BRSK2: variants seen among roughly 807,000 people sequenced by gnomAD.
BRSK2 encodes BR serine/threonine kinase 2.
BRSK2 carries 19 observed loss-of-function variants against 83.3 expected under a neutral mutation model. The observed-to-expected ratio is 0.23, with a 90% CI of 0.16 to 0.33. The LOEUF (loss-of-function observed/expected upper bound fraction) is 0.33. BRSK2 is among the 10% of genes least tolerant of loss of function. The probability of loss-of-function intolerance (pLI) is 1.00; values close to 1 mark genes in which losing one functional copy is unlikely to be tolerated. For missense variants in BRSK2, 798 were observed against 1,042.3 expected, an observed-to-expected ratio of 0.77 and a Z score of 3.23; for synonymous variants, 519 against 435.4, an observed-to-expected ratio of 1.19 and a Z score of -2.39.
At chr11:1,416,814 G>A (rs921011118) in intron 1 of BRSK2, among the ~76,000 whole-genome samples, 8 of 152,074 alleles carry the variant, frequency 5.3e-5, no homozygotes, top group African/African-American at 1.7e-4. Context: ...GTGGATCCAC[G>A]GGCTGATGTA....
intron 1 of BRSK2, among the ~76,000 whole-genome samples, chr11:1,398,921 G>A (rs756322477): frequency 1.6e-4 from 24 of 152,200 alleles, no homozygotes; most frequent in Non-Finnish European, 2.5e-4. Context: ...TGTCTGGGGC[G>A]GAGACTGGCC....
intron 8 of BRSK2, among the ~76,000 whole-genome samples, chr11:1,444,090 G>A (rs1404967138): frequency 6.6e-6 from 1 of 152,090 alleles, no homozygotes; most frequent in East Asian, 1.9e-4. Flanking sequence ...GGTGTGCACA[G>A]GTGTGGGGGG....
chr11:1,447,938 A>T, intron 12 of BRSK2: 2 of 1,413,522 alleles, frequency 1.4e-6, no homozygotes, highest in Non-Finnish European at 1.9e-6. Context: ...GGGCAGGCAC[A>T]TGGGCGGGTC....
chr11:1,446,236 T>C (rs1281410965), intron 12 of BRSK2, among the ~76,000 whole-genome samples: 1 of 109,020 alleles, frequency 9.2e-6, no homozygotes, highest in Non-Finnish European at 1.7e-5. Context: ...TGGGCTGTAC[T>C]GGACTGCGCG....
chr11:1,395,154 G>A (rs964673501), intron 1 of BRSK2, among the ~76,000 whole-genome samples: 2 of 152,178 alleles, frequency 1.3e-5, no homozygotes, highest in Non-Finnish European at 2.9e-5. Flanking sequence ...TCAGGCCCTG[G>A]CCATCTGACC....
intron 15 of BRSK2, among the ~76,000 whole-genome samples, chr11:1,453,207 G>A (rs1459059527): frequency 1.3e-5 from 2 of 152,258 alleles, no homozygotes; most frequent in African/African-American, 4.8e-5. Context: ...TGTCCGGCCA[G>A]GCTGTGCACT....
At chr11:1,449,125 C>T (rs59626403) in intron 12 of BRSK2, among the ~76,000 whole-genome samples, 5,077 of 152,286 alleles carry the variant, frequency 0.033, 209 homozygotes, top group African/African-American at 0.1. Flanking sequence ...ACGGGGGTGG[C>T]GGCCACACAC....
rs563745304 is a variant in BRSK2 at position 1,433,954 on chromosome 11, C to G, written c.92-2086C>G. On this transcript the variant is annotated intron_variant, in intron 1 of 19. Transcript: ENST00000528841. Reference sequence around the variant, plus strand: ...CCACCCGGCCTGGGCTCACCCAGATCCAGGCGTGACGCCACACAGATGAAA... The same window carrying G: ...CCACCCGGCCTGGGCTCACCCAGATGCAGGCGTGACGCCACACAGATGAAA... Among the ~76,000 whole-genome samples the G allele has an allele frequency of 2.5e-3, 384 of 152,344 alleles. 2 individuals carry two copies. The highest frequency in any genetic ancestry group is 8.6e-3 in the African/African-American group (358 of 41,578).
chr11:1,444,012 G>A (rs1340023163), intron 8 of BRSK2, among the ~76,000 whole-genome samples: 6 of 152,126 alleles, frequency 3.9e-5, no homozygotes, highest in South Asian at 2.1e-4. Context: ...GGGTGAGGGC[G>A]TAGGTGTGGG....
At position 1,450,914 on chromosome 11, in the gene BRSK2, G is replaced by C. The variant is rs971420078; in HGVS notation, c.1495+120G>C. On this transcript the variant is annotated intron_variant, in intron 14 of 19. Transcript: ENST00000528841. ...GGGCCTGTAGCTGCAGGGGTGGCCT[G>C]GGCCTGCCCACGTCTCACTGTCCCG... is the stretch of plus-strand genomic sequence containing the variant. The C allele has an allele frequency of 5.0e-6, 5 of 995,888 alleles. No individual in the cohort carries two copies. In the South Asian group the frequency reaches 5.2e-5, roughly 10 times the overall value. 61.7% of individuals were successfully genotyped at this position (995,888 alleles called of 1,614,324 possible).
chr11:1,452,327 C>T (rs1368226130), intron 15 of BRSK2, among the ~76,000 whole-genome samples: 1 of 152,236 alleles, frequency 6.6e-6, no homozygotes, highest in Non-Finnish European at 1.5e-5. Context: ...AGCTGGGTGC[C>T]CAGGTCGGAG....
At position 1,390,830 on chromosome 11, in the gene BRSK2, G is replaced by C. The variant is rs569078820; in HGVS notation, c.91+455G>C. Among the ~76,000 whole-genome samples the C allele has an allele frequency of 6.6e-6, 1 of 152,116 alleles. No individual in the cohort carries two copies. The highest frequency in any genetic ancestry group is 1.5e-5 in the Non-Finnish European group (1 of 67,984). On this transcript the variant is annotated intron_variant, in intron 1 of 19. Transcript: ENST00000528841. The surrounding 1 kb of genome is among the most constrained non-coding windows in gnomAD (Gnocchi z 6.8). The stretch of plus-strand genomic sequence containing the variant: ...GGCGGGACTCCCACCTCCGCGCGCC[G>C]GCCACCGGGGCCTCCGGGCAGGCCC...
intron 1 of BRSK2, among the ~76,000 whole-genome samples, chr11:1,399,991 C>A (rs1329106775): frequency 6.6e-6 from 1 of 152,218 alleles, no homozygotes; most frequent in Non-Finnish European, 1.5e-5. Flanking sequence ...CAGGAATAGT[C>A]CCAGCCACCA....
chr11:1,422,052 G>A (rs12791214), intron 1 of BRSK2, among the ~76,000 whole-genome samples: 39,730 of 151,900 alleles, frequency 0.26, 5,368 homozygotes, highest in South Asian at 0.4. Flanking sequence ...GGAGGGTGGC[G>A]CCCGTGCCTG....
chr11:1,411,132 G>A, intron 1 of BRSK2: 1 of 1,211,518 alleles, frequency 8.3e-7, no homozygotes, highest in African/African-American at 1.6e-5. Context: ...GGATCCTCAG[G>A]GGCCTAGGGT....
chr11:1,443,750 G>A, intron 8 of BRSK2, 115 bp downstream of exon 8: 3 of 1,324,012 alleles, frequency 2.3e-6, no homozygotes, highest in South Asian at 1.5e-5. Context: ...AGGTGTGTGG[G>A]TCGGTGCCCA....
rs566703220 is a variant in BRSK2, at chr11:1,409,151, C to T, written c.91+18776C>T. Among the ~76,000 whole-genome samples the T allele has an allele frequency of 2.0e-5, 3 of 152,308 alleles. No individual in the cohort carries two copies. In the East Asian group the frequency reaches 5.8e-4, roughly 29 times the overall value. On this transcript the variant is annotated intron_variant, in intron 1 of 19. Transcript: ENST00000528841. ...GGCATGGGCCTGGCTTTCCTCAGGG[C>T]CTGCATTTCCCTCTCTGTTTCTCTG...
chr11:1,456,862 C>A, intron 18 of BRSK2, 175 bp downstream of exon 18: 1 of 1,448,106 alleles, frequency 6.9e-7, no homozygotes, highest in East Asian at 2.4e-5. Context: ...AGAGCCCCTC[C>A]CTGGCCTGGC....
At chr11:1,450,938 C>G (rs924687039) in intron 14 of BRSK2, 144 bp downstream of exon 14, 2 of 753,282 alleles carry the variant, frequency 2.7e-6, no homozygotes, top group African/African-American at 1.8e-5. Context: ...CTCACTGTCC[C>G]GAAAGCGCCC....
Sources: gnomAD v4.1 joint callset for allele counts (sites outside exome capture counted in the v4.1 genomes callset) on GRCh38, gnomAD v4.1.1 for gene constraint, Gnocchi (gnomAD v3.1) non-coding constraint, MANE v1.5 for transcripts, NCBI Gene and HGNC (gene_info 2026-07-23, HGNC 2026-07-21) for gene names.